Variants in KIFC3 observed in about 807,000 individuals in gnomAD.
KIFC3 encodes kinesin family member C3.
Under a neutral mutation model 101.8 loss-of-function variants are expected in KIFC3, and 60 were observed. The ratio of observed to expected loss-of-function variants is 0.59; its 90% CI spans 0.48 to 0.73. KIFC3 has a LOEUF of 0.73. Among genes scored for constraint, KIFC3 ranks in the 30% least tolerant of loss-of-function variants. KIFC3 has a pLI of 0.00. For missense variants in KIFC3, 966 were observed against 1,137.1 expected, an observed-to-expected ratio of 0.85 and a Z score of 2.16; for synonymous variants, 476 against 482.7, an observed-to-expected ratio of 0.99 and a Z score of 0.18.
At chr16:57,813,587 C>T in intron 1 of KIFC3, 1 of 700,040 alleles carries the variant, frequency 1.4e-6, no homozygotes, top group Non-Finnish European at 1.8e-6. Flanking sequence ...TTCTGAGAAT[C>T]CCAGCCCTGG....
intron 3 of KIFC3, 62 bp from the exon 4 acceptor site, chr16:57,772,350 C>T: frequency 7.0e-7 from 1 of 1,428,082 alleles, no homozygotes; most frequent in African/African-American, 1.4e-5. Context: ...TACACCCAGG[C>T]CTCCTGCCCA....
intron 1 of KIFC3, chr16:57,816,327 G>A (rs1555628809): frequency 5.3e-6 from 6 of 1,130,486 alleles, no homozygotes; most frequent in Non-Finnish European, 5.9e-6. Flanking sequence ...GTCTTCCCGT[G>A]TGTCTTCAGG....
chr16:57,859,582 T>C (rs1447792050), intron 1 of KIFC3, among the ~76,000 whole-genome samples: 3 of 152,156 alleles, frequency 2.0e-5, no homozygotes, highest in African/African-American at 7.2e-5. Flanking sequence ...TAAGATTATG[T>C]TGTCTACATC....
chr16:57,806,827 A>G (rs1278576257), upstream of KIFC3, among the ~76,000 whole-genome samples: 3 of 152,240 alleles, frequency 2.0e-5, no homozygotes, highest in Admixed American at 6.5e-5. Flanking sequence ...AGTGAGCCGC[A>G]TATTAAGTAA....
At chr16:57,803,812 A>C (rs1351354144), upstream of KIFC3, among the ~76,000 whole-genome samples, 4 of 152,228 alleles carry the variant, frequency 2.6e-5, no homozygotes, top group Non-Finnish European at 4.4e-5. Flanking sequence ...CACACTGGAG[A>C]ACCCTTCCAA....
In KIFC3 at chr16:57,765,517, C is replaced by T. The variant is rs1555601983; in HGVS notation, c.1454G>A (p.Gly485Asp). 1.9e-6 allele frequency: 3 copies of T among 1,592,564 alleles called. No homozygotes were observed. Among genetic ancestry groups the T allele is most frequent in the Non-Finnish European group, 2.6e-6 (3 of 1,168,716 alleles). Residue 485 changes from glycine (G) to aspartate (D), a missense_variant, in exon 11 of 20, where the codon GGC (glycine) becomes GAC (aspartate). Physicochemically the swap from Gly to Asp is moderately conservative, Grantham distance 94. This residue lies in a region of KIFC3 where 689 missense variants were observed against 884.6 expected (regional missense o/e 0.78). Transcript: ENST00000445690. ...DDSIIHLLHK[G>D]KPVSFELDKV... ...GTCCAGCTCGAAGGACACAGGCTTGCCCTTGTGCAGCAGGTGGATGATGGA... is the reference window on the plus strand; with the variant it reads ...GTCCAGCTCGAAGGACACAGGCTTGTCCTTGTGCAGCAGGTGGATGATGGA...
intron 2 of KIFC3, among the ~76,000 whole-genome samples, chr16:57,795,488 G>T (rs1555622356): frequency 6.6e-6 from 1 of 152,242 alleles, no homozygotes; most frequent in Admixed American, 6.5e-5. Flanking sequence ...CAGCCTGCAT[G>T]AAGCTTTGAG....
intron 3 of KIFC3, chr16:57,779,635 T>A (rs1333752359): frequency 6.6e-6 from 1 of 152,090 alleles, no homozygotes; most frequent in Non-Finnish European, 1.5e-5. Flanking sequence ...CTGGCCAACA[T>A]GGTGAAACCC....
intron 1 of KIFC3, among the ~76,000 whole-genome samples, chr16:57,834,096 T>C (rs2055639843): frequency 6.6e-6 from 1 of 152,080 alleles, no homozygotes; most frequent in African/African-American, 2.4e-5. Flanking sequence ...CCTCCTGACC[T>C]CATGATCTGC....
chr16:57,857,814 C>T (rs1407072165), intron 1 of KIFC3, among the ~76,000 whole-genome samples: 8 of 100,522 alleles, frequency 8.0e-5, no homozygotes, highest in Admixed American at 4.9e-4. Context: ...TTCTTTCTTT[C>T]TTTCTTTCTT....
chr16:57,832,614 C>T (rs1331504295), intron 1 of KIFC3, among the ~76,000 whole-genome samples: 1 of 152,024 alleles, frequency 6.6e-6, no homozygotes, highest in Non-Finnish European at 1.5e-5. Flanking sequence ...CGCGCCTGGC[C>T]GCAAGGTGAA....
chr16:57,761,565 C>T (rs1215511468), intron 13 of KIFC3, 29 bp from the exon 14 acceptor site: 2 of 1,605,730 alleles, frequency 1.2e-6, no homozygotes, highest in African/African-American at 2.7e-5. Context: ...CAGTCACCCC[C>T]TCCTCCCATT....
At chr16:57,761,253 G>C (rs958713007) in intron 14 of KIFC3, 82 bp from the exon 15 acceptor site, 2 of 1,588,942 alleles carry the variant, frequency 1.3e-6, no homozygotes, top group East Asian at 4.5e-5. Context: ...CCCATGAGGA[G>C]TGGCACCACC....
intron 1 of KIFC3, chr16:57,798,646 T>A: frequency 3.2e-6 from 1 of 314,554 alleles, no homozygotes; most frequent in African/African-American, 2.2e-5. Flanking sequence ...AGTCTAATCC[T>A]TTTCCTCCAA....
chr16:57,844,956 G>A (rs2055887633), intron 1 of KIFC3, among the ~76,000 whole-genome samples: 1 of 152,202 alleles, frequency 6.6e-6, no homozygotes, highest in Admixed American at 6.5e-5. Context: ...CAAGGTTCTT[G>A]AAATGTTACC....
At chr16:57,830,432 T>C (rs1448147196) in intron 1 of KIFC3, 1 of 151,636 alleles carries the variant, frequency 6.6e-6, no homozygotes, top group Admixed American at 6.6e-5. Context: ...AGATACAGGG[T>C]TTCACTATGT....
chr16:57,820,014 G>A (rs919777621), intron 1 of KIFC3, among the ~76,000 whole-genome samples: 4 of 151,860 alleles, frequency 2.6e-5, no homozygotes, highest in African/African-American at 7.3e-5. Context: ...GATTACAGGC[G>A]CCAGCACCAT....
At chr16:57,819,541 T>C (rs939808921) in intron 1 of KIFC3, among the ~76,000 whole-genome samples, 1 of 152,120 alleles carries the variant, frequency 6.6e-6, no homozygotes, top group African/African-American at 2.4e-5. Flanking sequence ...TGTATTTATT[T>C]TTTATTTTTT....
chr16:57,841,158 C>G (rs555456683), intron 1 of KIFC3, among the ~76,000 whole-genome samples: 1 of 152,072 alleles, frequency 6.6e-6, no homozygotes, highest in South Asian at 2.1e-4. Flanking sequence ...GATAGAGGAC[C>G]GTAACAGTGG....
Sources: allele counts gnomAD v4.1 joint callset (sites outside exome capture counted in the v4.1 genomes callset), GRCh38; gene constraint gnomAD v4.1.1; regional missense constraint gnomAD v4.1.1; transcripts MANE v1.5; gene names NCBI Gene and HGNC (gene_info 2026-07-23, HGNC 2026-07-21).